The following NFAT5 variants were observed in gnomAD, a reference collection of about 807,000 sequenced individuals.
The protein encoded by NFAT5 is nuclear factor of activated T-cells 5.
In NFAT5, 31 loss-of-function variants were observed where a neutral mutation model predicts 166.5. The observed-to-expected ratio is 0.19, with a 90% CI of 0.14 to 0.25. The LOEUF is 0.25. Ranked by LOEUF, NFAT5 falls within the 10% of genes least tolerant of loss-of-function variation. The pLI, the probability that NFAT5 is intolerant of heterozygous loss-of-function variation, is 1.00. For synonymous variants in NFAT5, 612 were observed against 639.7 expected, an observed-to-expected ratio of 0.96 and a Z score of 0.65; for missense variants, 1,449 against 1,821.8, an observed-to-expected ratio of 0.80 and a Z score of 3.72.
chr16:69,617,394 A>G (rs2151566393), intron 2 of NFAT5, among the ~76,000 whole-genome samples: 1 of 152,314 alleles, frequency 6.6e-6, no homozygotes, highest in African/African-American at 2.4e-5. Flanking sequence ...TTCTTCAGAA[A>G]ATAACAAAGA....
At chr16:69,604,189 G>T (rs1191644730) in intron 2 of NFAT5, among the ~76,000 whole-genome samples, 2 of 152,162 alleles carry the variant, frequency 1.3e-5, no homozygotes, top group East Asian at 1.9e-4. Context: ...AGGCAATTTG[G>T]TACCAGGACA....
chr16:69,669,010 C>T (rs2036517514), intron 7 of NFAT5, among the ~76,000 whole-genome samples: 1 of 152,138 alleles, frequency 6.6e-6, no homozygotes, highest in South Asian at 2.1e-4. Context: ...CCTCCCACTC[C>T]AGCCTCCTAA....
In NFAT5 at chr16:69,698,751, ATTATTGTTG is replaced by A. The variant is rs1273555654; in HGVS notation, c.*2409_*2417del. 1 of 152,538 alleles carries A rather than the reference ATTATTGTTG, an allele frequency of 6.6e-6. No individual in the cohort carries two copies. Among genetic ancestry groups the A allele is most frequent in the African/African-American group, 2.4e-5 (1 of 41,432 alleles). 9.4% of individuals were successfully genotyped at this position (152,538 alleles called of 1,614,324 possible). On this transcript the variant is annotated 3_prime_UTR_variant, in exon 15 of 15. Coordinates refer to ENST00000349945, the MANE Select transcript of NFAT5 (RefSeq NM_138713.4). ...TTGCTCACTATATATTTAATATTTT[ATTATTGTTG>A]TTATTGTTATTATTAATTGGCTTTC...
At position 69,646,781 on chromosome 16, in the gene NFAT5, G is replaced by A. The variant is rs116103509; in HGVS notation, c.254-247G>A. Among the ~76,000 whole-genome samples, 199 of 152,234 alleles carry A rather than the reference G, an allele frequency of 1.3e-3. 1 individual carries two copies. The highest frequency in any genetic ancestry group is 4.5e-3 in the African/African-American group (186 of 41,536). The stretch of plus-strand genomic sequence containing the variant: ...TTATTTTTGCTTTACAGCTTAAAAC[G>A]TTAAATGAGATTTTAAAAATCTATG... On this transcript the variant is annotated intron_variant, in intron 3 of 14. Coordinates refer to ENST00000349945, the MANE Select transcript of NFAT5 (RefSeq NM_138713.4).
At position 69,648,190 on chromosome 16, in the gene NFAT5, C is replaced by T. The variant is rs1284116894; in HGVS notation, c.812+604C>T. 5 of 966,178 alleles carry T rather than the reference C, an allele frequency of 5.2e-6. No homozygotes were observed. The African/African-American group carries it at 7.3e-5, about 14-fold the overall frequency. 59.9% of individuals were successfully genotyped at this position (966,178 alleles called of 1,614,324 possible). On this transcript the variant is annotated intron_variant, in intron 4 of 14. Coordinates refer to ENST00000349945, the MANE Select transcript of NFAT5 (RefSeq NM_138713.4). ...AAACTCCATCTCAAAAAAAAAAAAACACCAAAAAAAAAACCGAAAGAACTA... is the reference window on the plus strand; with the variant it reads ...AAACTCCATCTCAAAAAAAAAAAAATACCAAAAAAAAAACCGAAAGAACTA...
At chr16:69,569,324 C>CAA (rs368222174) in intron 2 of NFAT5, among the ~76,000 whole-genome samples, 1 of 123,146 alleles carries the variant, frequency 8.1e-6, no homozygotes, top group African/African-American at 3.0e-5. Flanking sequence ...ATTAAGAAAC[C>CAA]AAAAAAAAAA....
chr16:69,577,535 A>G (rs1188802691), intron 2 of NFAT5, among the ~76,000 whole-genome samples: 2 of 152,328 alleles, frequency 1.3e-5, no homozygotes, highest in East Asian at 3.9e-4. Context: ...AACGACAACA[A>G]AAAGGTAAAG....
At chr16:69,631,838 A>G (rs2034732861) in intron 3 of NFAT5, among the ~76,000 whole-genome samples, 2 of 152,100 alleles carry the variant, frequency 1.3e-5, no homozygotes, top group Non-Finnish European at 2.9e-5. Flanking sequence ...CACAGTCATA[A>G]AGTGTGTACA....
At chr16:69,680,072 T>G (rs1274936718) in intron 10 of NFAT5, among the ~76,000 whole-genome samples, 1 of 152,158 alleles carries the variant, frequency 6.6e-6, no homozygotes, top group Non-Finnish European at 1.5e-5. Flanking sequence ...GAGCTGAGAT[T>G]GCGCCAGTGT....
intron 2 of NFAT5, among the ~76,000 whole-genome samples, chr16:69,589,494 A>G (rs2032325560): frequency 6.6e-6 from 1 of 152,198 alleles, no homozygotes; most frequent in South Asian, 2.1e-4. Flanking sequence ...ATAAAACCTC[A>G]ACTCAGAAAC....
chr16:69,672,223 A>T (rs1365419147), intron 9 of NFAT5, among the ~76,000 whole-genome samples: 1 of 152,224 alleles, frequency 6.6e-6, no homozygotes, highest in Non-Finnish European at 1.5e-5. Flanking sequence ...AAAAGAGATA[A>T]TGGGACTTAA....
At chr16:69,665,146 A>G (rs2036314977) in intron 7 of NFAT5, among the ~76,000 whole-genome samples, 1 of 152,194 alleles carries the variant, frequency 6.6e-6, no homozygotes, top group Non-Finnish European at 1.5e-5. Flanking sequence ...AACTTTAAAG[A>G]AAGGACCTTT....
intron 10 of NFAT5, among the ~76,000 whole-genome samples, chr16:69,684,401 A>G (rs1401448036): frequency 6.6e-6 from 1 of 151,188 alleles, no homozygotes; most frequent in African/African-American, 2.4e-5. Flanking sequence ...TCTACTAAAA[A>G]TACAAAAAAA....
At chr16:69,685,190 A>ATT (rs199580192) in intron 11 of NFAT5, 77 of 114,134 alleles carry the variant, frequency 6.7e-4, no homozygotes, top group Middle Eastern at 4.7e-3. Flanking sequence ...ATATATATAT[A>ATT]TTTTTTTTTT....
chr16:69,653,883 A>T (rs1376634448), intron 5 of NFAT5, among the ~76,000 whole-genome samples: 1 of 152,174 alleles, frequency 6.6e-6, no homozygotes, highest in African/African-American at 2.4e-5. Context: ...AAGAACTTTG[A>T]AAATAAGGTT....
chr16:69,625,349 ATAG>A (rs1464592963), intron 2 of NFAT5, among the ~76,000 whole-genome samples: 18 of 151,916 alleles, frequency 1.2e-4, no homozygotes, highest in Non-Finnish European at 1.9e-4. Flanking sequence ...ATGGGCAATT[ATAG>A]TATTACAAAA....
intron 3 of NFAT5, chr16:69,644,994 T>A (rs962556365): frequency 4.1e-5 from 10 of 244,770 alleles, no homozygotes; most frequent in Non-Finnish European, 8.3e-5. Context: ...CATAGGCTCA[T>A]AAGTACACAA....
At chr16:69,691,123 A>G (rs565746079) in intron 12 of NFAT5, 35 bp downstream of exon 12, 29 of 1,465,596 alleles carry the variant, frequency 2.0e-5, no homozygotes, top group Non-Finnish European at 2.5e-5. Context: ...AACCTCCTAT[A>G]TAAAAATTGC....
intron 6 of NFAT5, among the ~76,000 whole-genome samples, chr16:69,657,651 T>TCCAGAGGC (rs2035941249): frequency 6.8e-6 from 1 of 146,840 alleles, no homozygotes. Flanking sequence ...TCCAAGCTAC[T>TCCAGAGGC]TGGGAGGCCA....
Sources: allele counts gnomAD v4.1 joint callset (sites outside exome capture counted in the v4.1 genomes callset), GRCh38; gene constraint gnomAD v4.1.1; transcripts MANE v1.5; gene names NCBI Gene and HGNC (gene_info 2026-07-23, HGNC 2026-07-21).